The following SERGEF variants were observed in gnomAD, a reference collection of about 807,000 sequenced individuals.
SERGEF encodes the protein secretion regulating guanine nucleotide exchange factor, also known as secretion-regulating guanine nucleotide exchange factor.
Under a neutral mutation model 50.0 loss-of-function variants are expected in SERGEF, and 51 were observed. That is an observed-to-expected ratio of 1.02 (90% CI 0.81 to 1.29). The LOEUF (loss-of-function observed/expected upper bound fraction) is 1.29. Ranked by LOEUF, SERGEF falls within the 50% of genes most tolerant of loss-of-function variation. The probability of loss-of-function intolerance (pLI) is 0.00; values close to 1 mark genes in which losing one functional copy is unlikely to be tolerated. For synonymous variants in SERGEF, 205 were observed against 212.4 expected, an observed-to-expected ratio of 0.97 and a Z score of 0.30; for missense variants, 521 against 557.0, an observed-to-expected ratio of 0.94 and a Z score of 0.65.
chr11:17,802,022 T>A (rs1849678786), intron 10 of SERGEF, among the ~76,000 whole-genome samples: 1 of 152,224 alleles, frequency 6.6e-6, no homozygotes, highest in Non-Finnish European at 1.5e-5. Flanking sequence ...CAGATCATTA[T>A]AACCACCGAC....
At chr11:17,814,170 C>T (rs149036622) in intron 10 of SERGEF, among the ~76,000 whole-genome samples, 9 of 152,326 alleles carry the variant, frequency 5.9e-5, no homozygotes, top group Admixed American at 2.6e-4. Flanking sequence ...TTTGATCAAA[C>T]ACTAGTGTAG....
intron 10 of SERGEF, among the ~76,000 whole-genome samples, chr11:17,833,493 TG>T (rs1370187527): frequency 6.6e-6 from 1 of 152,156 alleles, no homozygotes; most frequent in Non-Finnish European, 1.5e-5. Flanking sequence ...GAGTCCCTAC[TG>T]GGGCACTGCC....
intron 8 of SERGEF, among the ~76,000 whole-genome samples, chr11:17,974,921 G>A (rs755345862): frequency 2.8e-4 from 42 of 152,186 alleles, no homozygotes; most frequent in Admixed American, 8.5e-4. Context: ...TAGAGCCACT[G>A]ACTCTGGGGC....
At chr11:17,875,867 A>C (rs2237929) in intron 10 of SERGEF, among the ~76,000 whole-genome samples, 10,228 of 152,296 alleles carry the variant, frequency 0.067, 496 homozygotes, top group East Asian at 0.25. Context: ...CATGTGGGAC[A>C]CAGCACCAGG....
chr11:17,818,524 A>T (rs917411822), intron 10 of SERGEF, among the ~76,000 whole-genome samples: 24 of 152,262 alleles, frequency 1.6e-4, no homozygotes, highest in African/African-American at 4.6e-4. Context: ...TGAGAGACTG[A>T]GTAATTGGAT....
At chr11:17,879,334 A>T (rs560870142) in intron 9 of SERGEF, among the ~76,000 whole-genome samples, 1 of 152,216 alleles carries the variant, frequency 6.6e-6, no homozygotes, top group Non-Finnish European at 1.5e-5. Context: ...TTAGAGAATT[A>T]TCCTGTGACC....
At chr11:17,921,234 A>T (rs1379621327) in intron 9 of SERGEF, among the ~76,000 whole-genome samples, 5 of 152,238 alleles carry the variant, frequency 3.3e-5, no homozygotes, top group African/African-American at 1.2e-4. Context: ...AAAAGAAAGT[A>T]ATTTTTTTAA....
chr11:17,974,955 A>G (rs1853338524), intron 8 of SERGEF, among the ~76,000 whole-genome samples: 1 of 152,218 alleles, frequency 6.6e-6, no homozygotes, highest in Admixed American at 6.5e-5. Context: ...AAGTGCGCAG[A>G]AGAGAAACTA....
chr11:17,959,464 T>G lies in SERGEF; in HGVS notation c.1011+6A>C. ...CAGATTACATCTGTGAGAAGTCACT[T>G]CCTACCTCAGTTGCTCCAGTTAAGC... On this transcript the variant is annotated splice_donor_region_variant and intron_variant, in intron 9 of 10. Transcript: ENST00000265965. The G allele has an allele frequency of 6.2e-7, 1 of 1,612,168 alleles. No individual in the cohort carries two copies. Among genetic ancestry groups the G allele is most frequent in the Non-Finnish European group, 8.5e-7 (1 of 1,179,134 alleles).
At chr11:17,883,482 A>G (rs1409284570) in intron 9 of SERGEF, among the ~76,000 whole-genome samples, 1 of 152,202 alleles carries the variant, frequency 6.6e-6, no homozygotes, top group South Asian at 2.1e-4. Flanking sequence ...ATTATCTCAT[A>G]TAGACTTACA....
intron 9 of SERGEF, among the ~76,000 whole-genome samples, chr11:17,941,753 G>A (rs1295866223): frequency 6.6e-6 from 1 of 152,128 alleles, no homozygotes; most frequent in Non-Finnish European, 1.5e-5. Flanking sequence ...CCCACCAATA[G>A]TGCACAAGGG....
At chr11:17,996,609 A>G (rs1026921957) in intron 5 of SERGEF, among the ~76,000 whole-genome samples, 20 of 152,310 alleles carry the variant, frequency 1.3e-4, no homozygotes, top group Non-Finnish European at 2.2e-4. Flanking sequence ...ATCTACACTC[A>G]GGTGTGTGAA....
At chr11:17,815,077 C>T (rs539422626) in intron 10 of SERGEF, among the ~76,000 whole-genome samples, 94 of 152,168 alleles carry the variant, frequency 6.2e-4, no homozygotes, top group Non-Finnish European at 7.1e-4. Context: ...GTTCTAGCTA[C>T]TTGGGAAGCT....
chr11:17,977,389 A>G (rs1400005651), intron 8 of SERGEF, among the ~76,000 whole-genome samples: 1 of 152,152 alleles, frequency 6.6e-6, no homozygotes, highest in Non-Finnish European at 1.5e-5. Context: ...TGGAAGAAAG[A>G]ACTGCTAGAA....
At chr11:17,853,934 C>G (rs1850763180) in intron 10 of SERGEF, 1 of 151,668 alleles carries the variant, frequency 6.6e-6, no homozygotes. Context: ...GGCAGGGGAA[C>G]CGCTTGAAAT....
At position 17,906,454 on chromosome 11, in the gene SERGEF, T is replaced by C. The variant is rs1415311480; in HGVS notation, c.1012-28210A>G. Among the ~76,000 whole-genome samples, 11 of 147,194 alleles carry C rather than the reference T, an allele frequency of 7.5e-5. No individual in the cohort carries two copies. In the Admixed American group the frequency reaches 7.5e-4, roughly 10 times the overall value. ...GTCTTTAGAGAAACAGAAGGCAAAATGGCCACAGGAACAATCACCTGCAAA... is the reference window on the plus strand; with the variant it reads ...GTCTTTAGAGAAACAGAAGGCAAAACGGCCACAGGAACAATCACCTGCAAA... On this transcript the variant is annotated intron_variant, in intron 9 of 10. Coordinates refer to ENST00000265965, the MANE Select transcript of SERGEF (RefSeq NM_012139.4).
At chr11:17,967,692 G>A (rs960131498) in intron 8 of SERGEF, among the ~76,000 whole-genome samples, 6 of 152,192 alleles carry the variant, frequency 3.9e-5, no homozygotes, top group Non-Finnish European at 7.4e-5. Flanking sequence ...GAGCATGGCA[G>A]GAAGCCCCAG....
chr11:17,829,481 T>G (rs969816936), intron 10 of SERGEF, among the ~76,000 whole-genome samples: 2 of 152,232 alleles, frequency 1.3e-5, no homozygotes, highest in Non-Finnish European at 2.9e-5. Flanking sequence ...AAAGTCTGAT[T>G]CATTAACCAT....
chr11:17,856,470 C>A (rs1353000206), intron 10 of SERGEF: 5 of 152,176 alleles, frequency 3.3e-5, no homozygotes, highest in African/African-American at 1.2e-4. Flanking sequence ...CAGGCTGCAG[C>A]TGGAGCCTTT....
Sources: allele counts gnomAD v4.1 joint callset (sites outside exome capture counted in the v4.1 genomes callset), GRCh38; gene constraint gnomAD v4.1.1; transcripts MANE v1.5; gene names NCBI Gene and HGNC (gene_info 2026-07-23, HGNC 2026-07-21).